Variants in SEMA6D observed in about 807,000 individuals in gnomAD.
SEMA6D encodes semaphorin 6D, also known as semaphorin-6D.
SEMA6D carries 35 observed loss-of-function variants against 106.6 expected under a neutral mutation model. The ratio of observed to expected loss-of-function variants is 0.33; its 90% CI spans 0.25 to 0.44. The LOEUF is 0.44. SEMA6D is among the 20% of genes least tolerant of loss of function. SEMA6D has a pLI of 1.00. For missense variants in SEMA6D, 1,185 were observed against 1,345.9 expected (o/e 0.88, Z 1.87); for synonymous variants, 499 against 487.7 (o/e 1.02, Z -0.31).
chr15:47,747,209 T>TTTC (rs1567066859), intron 1 of SEMA6D, among the ~76,000 whole-genome samples: 2 of 152,118 alleles, frequency 1.3e-5, no homozygotes, highest in Non-Finnish European at 1.5e-5. Flanking sequence ...AAATGAATGT[T>TTTC]ATTCAATTTG....
intron 4 of SEMA6D, among the ~76,000 whole-genome samples, chr15:47,639,072 G>GC (rs1451105274): frequency 6.6e-6 from 1 of 152,172 alleles, no homozygotes; most frequent in African/African-American, 2.4e-5. Flanking sequence ...CACGTGAGGT[G>GC]CCCTTCTGCC....
At chr15:47,438,000 T>G (rs1241295473) in intron 2 of SEMA6D, among the ~76,000 whole-genome samples, 1 of 152,090 alleles carries the variant, frequency 6.6e-6, no homozygotes, top group African/African-American at 2.4e-5. Context: ...GACTTCCAAT[T>G]TATAACTGCT....
chr15:47,494,583 A>G (rs929381119), intron 3 of SEMA6D, among the ~76,000 whole-genome samples: 2 of 151,190 alleles, frequency 1.3e-5, no homozygotes, highest in African/African-American at 4.8e-5. Flanking sequence ...TTGAATATAT[A>G]TGACCAGTGA....
intron 3 of SEMA6D, among the ~76,000 whole-genome samples, chr15:47,549,998 T>C (rs1228561646): frequency 2.6e-5 from 4 of 152,222 alleles, no homozygotes; most frequent in Admixed American, 6.5e-5. Flanking sequence ...ATGGAAGATC[T>C]AAATTCTCAT....
At chr15:47,274,318 AGGG>A (rs2034701991) in intron 1 of SEMA6D, 1 of 152,144 alleles carries the variant, frequency 6.6e-6, no homozygotes. Flanking sequence ...AAAGAAGAGG[AGGG>A]AAAAGCCCTG....
intron 2 of SEMA6D, among the ~76,000 whole-genome samples, chr15:47,430,134 T>C (rs370937720): frequency 1.4e-3 from 215 of 152,254 alleles, no homozygotes; most frequent in African/African-American, 5.0e-3. Flanking sequence ...CCAGCCACTC[T>C]TGGACTTTAG....
At chr15:47,631,181 T>C (rs1214617227) in intron 4 of SEMA6D, among the ~76,000 whole-genome samples, 2 of 151,936 alleles carry the variant, frequency 1.3e-5, no homozygotes. Flanking sequence ...TTAATTCTTC[T>C]GTAAATCTTT....
intron 1 of SEMA6D, among the ~76,000 whole-genome samples, chr15:47,278,760 G>A (rs868207241): frequency 0.014 from 2,086 of 150,118 alleles, 45 homozygotes; most frequent in African/African-American, 0.048. Flanking sequence ...TAACGTTTAA[G>A]TCTTTAATCC....
chr15:47,597,055 A>G (rs1400014352), intron 3 of SEMA6D, among the ~76,000 whole-genome samples: 1 of 152,128 alleles, frequency 6.6e-6, no homozygotes, highest in Non-Finnish European at 1.5e-5. Flanking sequence ...TATCCAAAAT[A>G]TGTAATAACT....
chr15:47,433,952 A>G (rs2041619797), intron 2 of SEMA6D, among the ~76,000 whole-genome samples: 1 of 152,148 alleles, frequency 6.6e-6, no homozygotes, highest in Non-Finnish European at 1.5e-5. Flanking sequence ...ATGGACTTTC[A>G]GTAACTACAT....
intron 1 of SEMA6D, among the ~76,000 whole-genome samples, chr15:47,277,758 C>G (rs949269907): frequency 6.6e-6 from 1 of 151,688 alleles, no homozygotes; most frequent in African/African-American, 2.4e-5. Context: ...GCTATTCCTC[C>G]CCCCTCCCCA....
intron 1 of SEMA6D, among the ~76,000 whole-genome samples, chr15:47,278,912 T>C (rs2142444788): frequency 6.8e-6 from 1 of 147,030 alleles, no homozygotes; most frequent in South Asian, 2.2e-4. Context: ...TTGTCAGAGA[T>C]CAGATAGTTG....
chr15:47,229,933 C>T (rs560074507), intron 1 of SEMA6D, among the ~76,000 whole-genome samples: 4 of 152,120 alleles, frequency 2.6e-5, no homozygotes, highest in Admixed American at 6.6e-5. Context: ...ATTTGAATTT[C>T]AGATAAAGAA....
chr15:47,715,094 C>G (rs1047775910), upstream of SEMA6D, among the ~76,000 whole-genome samples: 1 of 152,150 alleles, frequency 6.6e-6, no homozygotes, highest in Non-Finnish European at 1.5e-5. Flanking sequence ...GACATTTAAA[C>G]AAATTGTTGG....
intron 1 of SEMA6D, among the ~76,000 whole-genome samples, chr15:47,409,946 T>G (rs893148177): frequency 2.6e-5 from 4 of 152,124 alleles, no homozygotes; most frequent in Non-Finnish European, 4.4e-5. Context: ...AAAAGCTCTA[T>G]GCAACACTTT....
At chr15:47,471,931 T>TCTCACACACACA (rs1555445502) in intron 3 of SEMA6D, among the ~76,000 whole-genome samples, 15 of 121,506 alleles carry the variant, frequency 1.2e-4, no homozygotes, top group African/African-American at 3.4e-4. Flanking sequence ...TCTCTCTCTC[T>TCTCACACACACA]CACACACACA....
chr15:47,204,189 C>G (rs1328470771), intron 1 of SEMA6D, among the ~76,000 whole-genome samples: 4 of 152,172 alleles, frequency 2.6e-5, no homozygotes, highest in African/African-American at 9.6e-5. Context: ...CTAAGCTATT[C>G]AAAAGCATTG....
intron 1 of SEMA6D, among the ~76,000 whole-genome samples, chr15:47,215,152 A>G (rs2030453002): frequency 1.7e-5 from 1 of 58,532 alleles, no homozygotes. Flanking sequence ...TTTAAATTCA[A>G]ACAAACATCT....
intron 1 of SEMA6D, among the ~76,000 whole-genome samples, chr15:47,252,987 T>C (rs748244061): frequency 2.0e-5 from 3 of 152,170 alleles, no homozygotes; most frequent in African/African-American, 2.4e-5. Flanking sequence ...TTTTCCATAA[T>C]GGCTGTATTA....
Sources: gnomAD v4.1 joint callset for allele counts (sites outside exome capture counted in the v4.1 genomes callset) on GRCh38, gnomAD v4.1.1 for gene constraint, MANE v1.5 for transcripts, NCBI Gene and HGNC (gene_info 2026-07-23, HGNC 2026-07-21) for gene names.